The following DRD2 variants were observed in gnomAD, a reference collection of about 807,000 sequenced individuals.
DRD2 encodes dopamine receptor D2, also known as D(2) dopamine receptor.
DRD2 carries 8 observed loss-of-function variants against 38.0 expected under a neutral mutation model. The observed-to-expected ratio is 0.21, with a 90% CI of 0.12 to 0.38. The LOEUF (loss-of-function observed/expected upper bound fraction) is 0.38, where lower values mean the gene tolerates loss of function less well. Among genes scored for constraint, DRD2 ranks in the 10% least tolerant of loss-of-function variants. DRD2 has a pLI of 1.00. For missense variants in DRD2, 403 were observed against 607.7 expected (o/e 0.66, Z 3.54); for synonymous variants, 230 against 238.6 (o/e 0.96, Z 0.33).
Position 113,410,848 on chromosome 11 carries a change from G to A in DRD2, c.1211C>T (p.Pro404Leu). The change falls in exon 8 of 8, where the codon CCG (proline) becomes CTG (leucine). Residue 404 changes from proline to leucine, a missense_variant. Physicochemically the swap from Pro to Leu is moderately conservative, Grantham distance 98 (BLOSUM62 -3). This residue lies in a region of DRD2 where 67 missense variants were observed against 136.1 expected (regional missense o/e 0.49). Transcript: ENST00000362072. The part of the protein sequence containing the change: ...ILNIHCDCNI[P>L]PVLYSAFTWL... ...CGTGAAGGCGCTGTACAGGACAGGC[G>A]GGATGTTGCAGTCACAGTGTATGTT... 1 of 1,614,162 alleles carries A rather than the reference G, an allele frequency of 6.2e-7. No homozygotes were observed. The highest frequency in any genetic ancestry group is 1.1e-5 in the South Asian group (1 of 91,084).
At chr11:113,463,889 G>T (rs1951344842) in intron 1 of DRD2, among the ~76,000 whole-genome samples, 3 of 152,256 alleles carry the variant, frequency 2.0e-5, no homozygotes, top group South Asian at 4.2e-4. Context: ...AGCCTCCCTG[G>T]AAGAGGTGAT....
Position 113,424,560 on chromosome 11 carries a change from C to A in DRD2, c.92G>T (p.Arg31Ile). 6.2e-7 allele frequency: 1 copy of A among 1,614,242 alleles called. No homozygotes were observed. The highest frequency in any genetic ancestry group is 1.1e-5 in the South Asian group (1 of 91,086). ...TGTGGCATAGTAGTTGTAGTGGGGT[C>A]TGTCCGCCTTCCCGTCTGACCCGTT... ...PFNGSDGKAD[R>I]PHYNYYATLL... Residue 31 changes from arginine (R) to isoleucine (I), a missense_variant, in exon 2 of 8, where the codon AGA (arginine) becomes ATA (isoleucine). Around this residue, in one of 4 missense-constraint regions of DRD2, gnomAD observed 162 missense variants for 254.5 expected, o/e 0.64. Coordinates refer to ENST00000362072, the MANE Select transcript of DRD2 (RefSeq NM_000795.4).
chr11:113,460,702 T>C (rs1272082578), intron 1 of DRD2, among the ~76,000 whole-genome samples: 2 of 152,212 alleles, frequency 1.3e-5, no homozygotes, highest in Non-Finnish European at 2.9e-5. Context: ...ACCAGGATTA[T>C]GGACTCCTGT....
At chr11:113,451,463 T>A (rs1033862942) in intron 1 of DRD2, among the ~76,000 whole-genome samples, 9 of 152,292 alleles carry the variant, frequency 5.9e-5, no homozygotes, top group East Asian at 1.9e-4. Context: ...TGTATATATA[T>A]AATTTTTCCT....
chr11:113,449,664 G>A (rs777241161), intron 1 of DRD2, among the ~76,000 whole-genome samples: 23 of 152,156 alleles, frequency 1.5e-4, no homozygotes, highest in Non-Finnish European at 2.4e-4. Context: ...CCAAGACGGT[G>A]TCAGCCATGG....
intron 1 of DRD2, among the ~76,000 whole-genome samples, chr11:113,435,460 TG>T (rs1462841647): frequency 6.6e-6 from 1 of 151,816 alleles, no homozygotes; most frequent in African/African-American, 2.4e-5. Flanking sequence ...GGCAGATCCC[TG>T]GGGCAGCTCA....
At chr11:113,467,979 G>A (rs913197515) in intron 1 of DRD2, among the ~76,000 whole-genome samples, 32 of 152,346 alleles carry the variant, frequency 2.1e-4, no homozygotes, top group African/African-American at 7.2e-4. Flanking sequence ...GTAAAATCAG[G>A]TGCTGAATTA....
chr11:113,424,233 C>A (rs1950914265), intron 2 of DRD2, 134 bp downstream of exon 2: 1 of 903,916 alleles, frequency 1.1e-6, no homozygotes, highest in Non-Finnish European at 1.7e-6. Context: ...AAAGTAAGCC[C>A]AGAGTGAAGG....
chr11:113,418,403 T>C (rs1950848938), intron 2 of DRD2, among the ~76,000 whole-genome samples: 1 of 152,214 alleles, frequency 6.6e-6, no homozygotes. Context: ...GGCCTCAACT[T>C]TAAACCTTAA....
chr11:113,412,988 C>G, intron 6 of DRD2, 105 bp from the exon 7 acceptor site: 1 of 1,286,114 alleles, frequency 7.8e-7, no homozygotes, highest in Non-Finnish European at 1.1e-6. Context: ...CTCCTGCAAA[C>G]ACCACAGGGT....
At chr11:113,464,876 G>T (rs1166464801) in intron 1 of DRD2, among the ~76,000 whole-genome samples, 1 of 152,064 alleles carries the variant, frequency 6.6e-6, no homozygotes, top group Admixed American at 6.5e-5. Flanking sequence ...TTGCTTCATT[G>T]TTCTTAAATC....
At chr11:113,417,099 C>T (rs1950835102) in intron 3 of DRD2, 100 bp from the exon 4 acceptor site, 1 of 1,487,938 alleles carries the variant, frequency 6.7e-7, no homozygotes, top group African/African-American at 1.4e-5. Flanking sequence ...TGGGGCTAAA[C>T]AGTTGACACA....
intron 1 of DRD2, among the ~76,000 whole-genome samples, chr11:113,454,168 T>C (rs1220677549): frequency 6.6e-6 from 1 of 152,138 alleles, no homozygotes; most frequent in Non-Finnish European, 1.5e-5. Flanking sequence ...AATTAGAGCA[T>C]TATTATTTTT....
chr11:113,420,693 C>A (rs556949119), intron 2 of DRD2, among the ~76,000 whole-genome samples: 2 of 152,290 alleles, frequency 1.3e-5, no homozygotes, highest in Non-Finnish European at 2.9e-5. Context: ...GACCATCTAG[C>A]TTATCAAGAG....
chr11:113,416,195 A>G (rs760973932), intron 4 of DRD2, among the ~76,000 whole-genome samples: 3 of 152,216 alleles, frequency 2.0e-5, no homozygotes, highest in Non-Finnish European at 4.4e-5. Flanking sequence ...CTTATAATAG[A>G]TACCGAACCA....
intron 1 of DRD2, among the ~76,000 whole-genome samples, chr11:113,433,557 C>T (rs561592298): frequency 6.6e-6 from 1 of 152,226 alleles, no homozygotes; most frequent in South Asian, 2.1e-4. Context: ...GCATGGGGAG[C>T]CTCCCTGGAA....
intron 1 of DRD2, among the ~76,000 whole-genome samples, chr11:113,471,244 C>A (rs1023663845): frequency 6.6e-6 from 1 of 152,192 alleles, no homozygotes; most frequent in Non-Finnish European, 1.5e-5. Flanking sequence ...GGAAAGAAAT[C>A]TCCAATTACA....
intron 1 of DRD2, among the ~76,000 whole-genome samples, chr11:113,441,314 C>CA (rs1409858168): frequency 6.6e-6 from 1 of 152,226 alleles, no homozygotes; most frequent in Admixed American, 6.5e-5. Context: ...GCCTACTACA[C>CA]AGCTAGTCTC....
rs1950917429 is a variant in DRD2 at position 113,424,405 on chromosome 11, C to T, written c.247G>A (p.Val83Ile). The T allele has an allele frequency of 1.9e-6, 3 of 1,614,144 alleles. No individual in the cohort carries two copies. Among genetic ancestry groups the T allele is most frequent in the Non-Finnish European group, 2.5e-6 (3 of 1,180,022 alleles). ...IVSLAVADLL[V>I]ATLVMPWVVY... ...ACCCAGGGCATGACCAGTGTGGCGA[C>T]GAGGAGGTCGGCCACTGCGAGGCTG... Residue 83 changes from valine to isoleucine, a missense_variant, in exon 2 of 8, where the codon GTC becomes ATC. By Grantham distance (29) the Val-to-Ile change is conservative. Coordinates refer to ENST00000362072, the MANE Select transcript of DRD2 (RefSeq NM_000795.4).
Sources: gnomAD v4.1 joint callset for allele counts (sites outside exome capture counted in the v4.1 genomes callset) on GRCh38, gnomAD v4.1.1 for gene constraint, gnomAD v4.1.1 regional missense constraint, MANE v1.5 for transcripts, NCBI Gene and HGNC (gene_info 2026-07-23, HGNC 2026-07-21) for gene names.